Variants in IL1RAPL2 observed in about 807,000 individuals in gnomAD.
The protein encoded by IL1RAPL2 is interleukin 1 receptor accessory protein like 2, also known as X-linked interleukin-1 receptor accessory protein-like 2.
IL1RAPL2 carries 3 observed loss-of-function variants against 44.1 expected under a neutral mutation model. That is an observed-to-expected ratio of 0.07 (90% CI 0.03 to 0.18). The LOEUF is 0.18. Ranked by LOEUF, IL1RAPL2 falls within the 10% of genes least tolerant of loss-of-function variation. The pLI is 1.00. For missense variants in IL1RAPL2, 391 were observed against 496.4 expected, an observed-to-expected ratio of 0.79 and a Z score of 2.02; for synonymous variants, 181 against 178.8, an observed-to-expected ratio of 1.01 and a Z score of -0.10.
chrX:104,702,259 A>G (rs1931288468), intron 2 of IL1RAPL2, among the ~76,000 whole-genome samples: 1 of 111,613 alleles, frequency 9.0e-6, no homozygotes, highest in Non-Finnish European at 1.9e-5. Flanking sequence ...AATTGTCTTC[A>G]TGATGTCAGG....
intron 6 of IL1RAPL2, among the ~76,000 whole-genome samples, chrX:105,659,564 G>A (rs1253871621): frequency 9.2e-6 from 1 of 109,033 alleles, no homozygotes; most frequent in East Asian, 2.9e-4. Flanking sequence ...GGCTGAGGCA[G>A]GAGAATGGCG....
chrX:105,557,907 T>C (rs1389798453), intron 6 of IL1RAPL2, among the ~76,000 whole-genome samples: 1 of 111,906 alleles, frequency 8.9e-6, no homozygotes, highest in Non-Finnish European at 1.9e-5. Context: ...TTGTCATTTG[T>C]CTCAGAAGTT....
At chrX:105,221,312 C>T (rs926457795) in intron 3 of IL1RAPL2, among the ~76,000 whole-genome samples, 1 of 108,796 alleles carries the variant, frequency 9.2e-6, no homozygotes, top group African/African-American at 3.4e-5. Flanking sequence ...GTCCTACAGA[C>T]ACATACAATC....
At chrX:104,953,889 C>G (rs375583826) in intron 2 of IL1RAPL2, among the ~76,000 whole-genome samples, 1 of 111,495 alleles carries the variant, frequency 9.0e-6, no homozygotes, top group East Asian at 2.8e-4. Flanking sequence ...TTAGCCATTT[C>G]TCTTTTTTGC....
At chrX:105,439,517 C>CAAAAA (rs11337790) in intron 5 of IL1RAPL2, among the ~76,000 whole-genome samples, 7 of 59,094 alleles carry the variant, frequency 1.2e-4, no homozygotes, top group African/African-American at 3.1e-4. Flanking sequence ...TTTTGCTGTA[C>CAAAAA]AAAAAAAAAA....
intron 3 of IL1RAPL2, among the ~76,000 whole-genome samples, chrX:105,221,165 A>T (rs2033958797): frequency 8.9e-6 from 1 of 111,788 alleles, no homozygotes; most frequent in South Asian, 3.7e-4. Flanking sequence ...TACTTGTAGC[A>T]CAAAAGCAGC....
intron 2 of IL1RAPL2, among the ~76,000 whole-genome samples, chrX:105,032,494 A>G (rs1055224622): frequency 1.2e-4 from 13 of 111,518 alleles, no homozygotes; most frequent in Non-Finnish European, 1.5e-4. Flanking sequence ...CCCCGTATTC[A>G]TTCCGGAGCA....
At chrX:104,965,990 A>G (rs1431248427) in intron 2 of IL1RAPL2, among the ~76,000 whole-genome samples, 2 of 111,447 alleles carry the variant, frequency 1.8e-5, no homozygotes, top group African/African-American at 6.5e-5. Context: ...GTGAGATCCA[A>G]TGAGAAAATG....
At chrX:104,708,231 A>G (rs1931393735) in intron 2 of IL1RAPL2, among the ~76,000 whole-genome samples, 1 of 111,711 alleles carries the variant, frequency 9.0e-6, no homozygotes, top group African/African-American at 3.3e-5. Context: ...GTTGGCATTC[A>G]TATCATCACA....
chrX:105,489,985 G>A (rs1304204809), intron 6 of IL1RAPL2, among the ~76,000 whole-genome samples: 1 of 108,855 alleles, frequency 9.2e-6, no homozygotes, highest in South Asian at 4.0e-4. Flanking sequence ...GTGCCACCAC[G>A]CCCAGATAAT....
intron 5 of IL1RAPL2, among the ~76,000 whole-genome samples, chrX:105,482,803 A>G (rs747215582): frequency 9.0e-6 from 1 of 111,073 alleles, no homozygotes; most frequent in East Asian, 2.8e-4. Context: ...GCACAATCCT[A>G]TGCTATTCCT....
intron 4 of IL1RAPL2, among the ~76,000 whole-genome samples, chrX:105,251,064 T>G (rs961291272): frequency 3.6e-5 from 4 of 111,159 alleles, no homozygotes; most frequent in African/African-American, 1.3e-4. Flanking sequence ...GTACCCTGTT[T>G]AAGAAAAATT....
At chrX:104,750,887 C>A (rs1054648057) in intron 2 of IL1RAPL2, among the ~76,000 whole-genome samples, 3 of 110,434 alleles carry the variant, frequency 2.7e-5, no homozygotes, top group Admixed American at 9.7e-5. Flanking sequence ...TAAAAAAAAA[C>A]CCAAATAGTT....
intron 5 of IL1RAPL2, among the ~76,000 whole-genome samples, chrX:105,386,950 G>A (rs1288720697): frequency 9.0e-6 from 1 of 111,469 alleles, no homozygotes; most frequent in African/African-American, 3.3e-5. Flanking sequence ...GAAGAAACAG[G>A]ATGAACCACA....
intron 2 of IL1RAPL2, among the ~76,000 whole-genome samples, chrX:104,963,711 T>A (rs2030052297): frequency 9.0e-6 from 1 of 111,436 alleles, no homozygotes; most frequent in Non-Finnish European, 1.9e-5. Context: ...ACAAAGTGCC[T>A]CATTTTTTGA....
At chrX:105,159,985 C>A (rs189700973) in intron 2 of IL1RAPL2, among the ~76,000 whole-genome samples, 2,750 of 91,232 alleles carry the variant, frequency 0.03, 31 homozygotes, top group Middle Eastern at 0.052. Context: ...TTAAAGAACC[C>A]CCCCCCCCAC....
At chrX:104,683,918 T>C (rs1930934363) in intron 2 of IL1RAPL2, among the ~76,000 whole-genome samples, 2 of 112,109 alleles carry the variant, frequency 1.8e-5, no homozygotes, top group South Asian at 7.5e-4. Flanking sequence ...TCACCTACTT[T>C]TCCTTCCCTA....
chrX:104,717,763 A>ACT (rs1931601501), intron 2 of IL1RAPL2, among the ~76,000 whole-genome samples: 1 of 92,215 alleles, frequency 1.1e-5, no homozygotes, highest in African/African-American at 4.2e-5. Flanking sequence ...TCCCCCCCCC[A>ACT]CCCCACAACA....
chrX:104,623,846 C>T (rs1277748502), intron 1 of IL1RAPL2, among the ~76,000 whole-genome samples: 1 of 112,085 alleles, frequency 8.9e-6, no homozygotes, highest in Admixed American at 9.5e-5. Context: ...TGTTGTCTAA[C>T]AGACTGATTC....
Sources: gnomAD v4.1 joint callset for allele counts (sites outside exome capture counted in the v4.1 genomes callset) on GRCh38, gnomAD v4.1.1 for gene constraint, MANE v1.5 for transcripts, NCBI Gene and HGNC (gene_info 2026-07-23, HGNC 2026-07-21) for gene names.